Variants in TAF1C observed in about 807,000 individuals in gnomAD.
The protein encoded by TAF1C is TATA box-binding protein-associated factor RNA polymerase I subunit C.
In TAF1C, 79 loss-of-function variants were observed where a neutral mutation model predicts 70.5. That is an observed-to-expected ratio of 1.12 (90% CI 0.93 to 1.35). The LOEUF (loss-of-function observed/expected upper bound fraction) is 1.35, where lower values mean the gene tolerates loss of function less well. TAF1C is among the 40% of genes most tolerant of loss of function. TAF1C has a pLI of 0.00. For missense variants in TAF1C, 1,412 were observed against 1,127.8 expected (o/e 1.25, Z -3.61); for synonymous variants, 614 against 491.1 (o/e 1.25, Z -3.31).
rs2088850154 is a variant in TAF1C at position 84,178,176 on chromosome 16, G to C, written c.*765C>G. 7 of 382,388 alleles carry C rather than the reference G, an allele frequency of 1.8e-5. No individual in the cohort carries two copies. Among genetic ancestry groups the C allele is most frequent in the South Asian group, 1.4e-4 (7 of 49,270 alleles). The allele number at this position is 382,388 out of a possible 1,614,324, so 23.7% of individuals were successfully genotyped here. A position where few individuals can be genotyped will look rare whatever the true frequency, so the allele number is the denominator to read the frequency against. On this transcript the variant is annotated 3_prime_UTR_variant, in exon 15 of 15. Transcript: ENST00000566732. ...AAGGGGAGGGAGGAAAGAAAGGGGGGAGTCTGTGAGGCACAACAGAGAATT... is the reference window on the plus strand; with the variant it reads ...AAGGGGAGGGAGGAAAGAAAGGGGGCAGTCTGTGAGGCACAACAGAGAATT...
chr16:84,180,340 G>C lies in TAF1C; in HGVS notation c.1313C>G (p.Ser438Cys). 5 of 1,540,850 alleles carry C rather than the reference G, an allele frequency of 3.2e-6. No homozygotes were observed. Among genetic ancestry groups the C allele is most frequent in the South Asian group, 2.4e-5 (2 of 83,672 alleles). ...PTLHLVCTQFSLYLVDERLPL... is the reference protein window; with the variant it reads ...PTLHLVCTQFCLYLVDERLPL... ...AAGGCGCTCGTCCACTAGGTAGAGA[G>C]AGAACTGGGGCCCGAGAAGGAAGGG... Residue 438 changes from serine (S) to cysteine (C), a missense_variant, in exon 13 of 15, where the codon TCT (serine) becomes TGT (cysteine). Ser to Cys is a moderately radical substitution (Grantham distance 112). Coordinates refer to ENST00000566732, the MANE Select transcript of TAF1C (RefSeq NM_001243156.2).
rs762537026 is a variant in TAF1C, at chr16:84,181,363, C to A, written c.1129G>T (p.Gly377Cys). The change falls in exon 11 of 15, where the codon GGT becomes TGT. Residue 377 changes from glycine (G) to cysteine (C), a missense_variant. Physicochemically the swap from Gly to Cys is radical, Grantham distance 159. Transcript: ENST00000566732. The stretch of plus-strand genomic sequence containing the variant: ...AGCATCTTCACTCCGGTGCGGTCAC[C>A]CACGGTCAGCACCCGAGGGTGCGCA... ...FTAHPRVLTV[G>C]DRTGVKMLDT... 1.2e-6 allele frequency: 2 copies of A among 1,613,806 alleles called. No homozygotes were observed. The highest frequency in any genetic ancestry group is 3.3e-5 in the Admixed American group (2 of 60,014).
chr16:84,186,111 C>G (rs566677086), intron 1 of TAF1C, among the ~76,000 whole-genome samples: 20 of 152,366 alleles, frequency 1.3e-4, no homozygotes, highest in African/African-American at 4.8e-4. Flanking sequence ...GTTCAGGAAA[C>G]GAAGGCTCAG....
rs2088830045 is a variant in TAF1C at position 84,177,930 on chromosome 16, G to A, written c.*1011C>T. The A allele has an allele frequency of 7.3e-6, 8 of 1,092,036 alleles. No homozygotes were observed. Among genetic ancestry groups the A allele is most frequent in the Non-Finnish European group, 1.1e-5 (8 of 719,990 alleles). 67.6% of individuals were successfully genotyped at this position (1,092,036 alleles called of 1,614,324 possible). A position where few individuals can be genotyped will look rare whatever the true frequency, so the allele number is the denominator to read the frequency against. On this transcript the variant is annotated 3_prime_UTR_variant, in exon 15 of 15. Transcript: ENST00000566732. ...CATTTTAACACCCACGCGAGTCAGT[G>A]TATGATTGGGCTAGCTCCTGTTTGT...
chr16:84,184,465 C>T (rs2089375011), intron 2 of TAF1C, among the ~76,000 whole-genome samples: 1 of 152,214 alleles, frequency 6.6e-6, no homozygotes, highest in African/African-American at 2.4e-5. Flanking sequence ...TCTATCCTCC[C>T]CTCTCCCAAC....
In TAF1C at chr16:84,178,831, C is replaced by G; in HGVS notation, c.*110G>C. ...GCTTGGCTCATCATCACAGTGGCCT[C>G]CAGAAGGTGGCGAGCTCTGCTTCTC... is the stretch of plus-strand genomic sequence containing the variant. On this transcript the variant is annotated 3_prime_UTR_variant, in exon 15 of 15. Coordinates refer to ENST00000566732, the MANE Select transcript of TAF1C (RefSeq NM_001243156.2). 7.9e-7 allele frequency: 1 copy of G among 1,272,170 alleles called. No homozygotes were observed. Among genetic ancestry groups the G allele is most frequent in the Non-Finnish European group, 1.1e-6 (1 of 934,936 alleles). 78.8% of individuals were successfully genotyped at this position (1,272,170 alleles called of 1,614,324 possible).
chr16:84,178,836 A>G lies in TAF1C; in HGVS notation c.*105T>C. On this transcript the variant is annotated 3_prime_UTR_variant, in exon 15 of 15. Coordinates refer to ENST00000566732, the MANE Select transcript of TAF1C (RefSeq NM_001243156.2). ...GCTCATCATCACAGTGGCCTCCAGA[A>G]GGTGGCGAGCTCTGCTTCTCAAGTT... is the stretch of plus-strand genomic sequence containing the variant. The G allele has an allele frequency of 7.8e-7, 1 of 1,287,606 alleles. No homozygotes were observed. The highest frequency in any genetic ancestry group is 1.1e-6 in the Non-Finnish European group (1 of 946,840). 79.8% of individuals were successfully genotyped at this position (1,287,606 alleles called of 1,614,324 possible).
rs760910655 is a variant in TAF1C at position 84,182,387 on chromosome 16, C to A, written c.536G>T (p.Gly179Val). The change falls in exon 7 of 15, where the codon GGC (glycine) becomes GTC (valine). Residue 179 changes from glycine to valine, a missense_variant. Coordinates refer to ENST00000566732, the MANE Select transcript of TAF1C (RefSeq NM_001243156.2). This position sits in a 1 kb window ranked among gnomAD's most constrained non-coding sequence, Gnocchi z 5.0. Reference sequence around the variant, plus strand: ...CGCCACCGACGTGCCCAGGATGGGGCCCCCGAGGATAGAGAAGCGGCGCTG... The same window carrying A: ...CGCCACCGACGTGCCCAGGATGGGGACCCCGAGGATAGAGAAGCGGCGCTG... ...NRQRRFSILG[G>V]PILGTSVASH... 2.4e-5 allele frequency: 39 copies of A among 1,605,194 alleles called. No homozygotes were observed. The highest frequency in any genetic ancestry group is 3.1e-5 in the Non-Finnish European group (36 of 1,177,548).
In TAF1C at chr16:84,180,001, C is replaced by T. The variant is rs770172623; in HGVS notation, c.1566G>A (p.Leu522=). 5.6e-6 allele frequency: 9 copies of T among 1,612,052 alleles called. No individual in the cohort carries two copies. Among genetic ancestry groups the T allele is most frequent in the African/African-American group, 1.3e-5 (1 of 74,888 alleles). ...SRIDSLPAFP[L]LEPKIQWRLQ... is the part of the protein sequence containing the mutation. ...GCCGCCACTGGATCTTAGGCTCCAG[C>T]AGAGGAAATGCAGGGAGGGAGTCGA... Residue 522 remains leucine, a synonymous_variant, in exon 14 of 15, where the codon CTG becomes CTA. Transcript: ENST00000566732.
In TAF1C at chr16:84,182,979, T is replaced by TATGACGGAAAGC. The variant is rs1567596112; in HGVS notation, c.482+96_482+97insGCTTTCCGTCAT. On this transcript the variant is annotated intron_variant, in intron 6 of 14. Transcript: ENST00000566732. This position sits in a 1 kb window ranked among gnomAD's most constrained non-coding sequence, Gnocchi z 5.0. The stretch of plus-strand genomic sequence containing the variant: ...CAGACTGCATGGAGCAGGGGGGAAG[T>TATGACGGAAAGC]GGGTATGACGGAAAGCTGTACGTGC... 26 of 1,229,836 alleles carry TATGACGGAAAGC rather than the reference T, an allele frequency of 2.1e-5. No individual in the cohort carries two copies. The African/African-American group carries it at 3.4e-4, about 16-fold the overall frequency. 76.2% of individuals were successfully genotyped at this position (1,229,836 alleles called of 1,614,324 possible).
intron 1 of TAF1C, among the ~76,000 whole-genome samples, chr16:84,185,793 G>T (rs947770770): frequency 2.6e-5 from 4 of 152,122 alleles, no homozygotes; most frequent in Non-Finnish European, 5.9e-5. Context: ...CCAGCTACTC[G>T]GGAGGCTGAG....
Position 84,181,359 on chromosome 16 carries a change from T to C in TAF1C, c.1133A>G (p.Asp378Gly). Residue 378 changes from aspartate to glycine, a missense_variant, in exon 11 of 15, where the codon GAC (aspartate) becomes GGC (glycine). By Grantham distance (94) the Asp-to-Gly change is moderately conservative. Transcript: ENST00000566732. ...TAHPRVLTVG[D>G]RTGVKMLDTQ... ...GTCCAGCATCTTCACTCCGGTGCGG[T>C]CACCCACGGTCAGCACCCGAGGGTG... 1 of 1,613,648 alleles carries C rather than the reference T, an allele frequency of 6.2e-7. No individual in the cohort carries two copies. The highest frequency in any genetic ancestry group is 8.5e-7 in the Non-Finnish European group (1 of 1,179,942).
chr16:84,186,203 G>C (rs2089478446), intron 1 of TAF1C, among the ~76,000 whole-genome samples: 1 of 152,228 alleles, frequency 6.6e-6, no homozygotes, highest in African/African-American at 2.4e-5. Context: ...CTCCGAACCA[G>C]TGCTCTCGCA....
Position 84,183,706 on chromosome 16 carries a change from G to T in TAF1C, c.211C>A (p.Pro71Thr), listed in dbSNP as rs1252466088. ...GGAATGAGACCCTTACCGATGAGGG[G>T]AGGCAGCATGGGGAGAGGCCCAGGG... Reference protein sequence around the residue: ...ATPGPLPMLPPLIDPWDPGLT... With the variant: ...ATPGPLPMLPTLIDPWDPGLT... The change falls in exon 3 of 15, where the codon CCC becomes ACC. Residue 71 changes from proline to threonine, a missense_variant. Physicochemically the swap from Pro to Thr is conservative, Grantham distance 38. Coordinates refer to ENST00000566732, the MANE Select transcript of TAF1C (RefSeq NM_001243156.2). 2 of 1,612,122 alleles carry T rather than the reference G, an allele frequency of 1.2e-6. No individual in the cohort carries two copies.
At position 84,182,814 on chromosome 16, in the gene TAF1C, G is replaced by T. The variant is rs1300383378; in HGVS notation, c.482+262C>A. Among the ~76,000 whole-genome samples the T allele has an allele frequency of 6.6e-6, 1 of 152,188 alleles. No individual in the cohort carries two copies. Among genetic ancestry groups the T allele is most frequent in the Non-Finnish European group, 1.5e-5 (1 of 68,022 alleles). Reference sequence around the variant, plus strand: ...GGAACTGTGCAGGGAGAGGCAAGTGGACGAGACAGGAAAGAGAGACACAGC... The same window carrying T: ...GGAACTGTGCAGGGAGAGGCAAGTGTACGAGACAGGAAAGAGAGACACAGC... On this transcript the variant is annotated intron_variant, in intron 6 of 14. Transcript: ENST00000566732. This position sits in a 1 kb window ranked among gnomAD's most constrained non-coding sequence, Gnocchi z 5.0.
In TAF1C at chr16:84,181,035, C is replaced by G; in HGVS notation, c.1308+8G>C. The G allele has an allele frequency of 6.3e-7, 1 of 1,596,706 alleles. No homozygotes were observed. Among genetic ancestry groups the G allele is most frequent in the Non-Finnish European group, 8.6e-7 (1 of 1,166,232 alleles). On this transcript the variant is annotated splice_region_variant and intron_variant, in intron 12 of 14. Coordinates refer to ENST00000566732, the MANE Select transcript of TAF1C (RefSeq NM_001243156.2). ...AGGTGGGGCGGGGCGGTGTTGTGTG[C>G]CACTCACCTGGGTACAGACGAGATG...
chr16:84,178,986 G>C lies in TAF1C; in HGVS notation c.2487C>G (p.Leu829=), dbSNP rs751479835. Residue 829 remains leucine, a synonymous_variant, in exon 15 of 15, where the codon CTC becomes CTG. Coordinates refer to ENST00000566732, the MANE Select transcript of TAF1C (RefSeq NM_001243156.2). ...TCTTCCGGAGGGGCTGAGAGCTAGA[G>C]AGGACGGGTGTGTGCTGCTGGGAGC... The part of the protein sequence containing the change: ...ATRSQQHTPV[L]SSSQPLRKKP... 2 of 1,610,870 alleles carry C rather than the reference G, an allele frequency of 1.2e-6. No homozygotes were observed. The highest frequency in any genetic ancestry group is 3.3e-5 in the Admixed American group (2 of 59,996).
chr16:84,180,833 C>T, intron 12 of TAF1C: 1 of 1,396,876 alleles, frequency 7.2e-7, no homozygotes, highest in Admixed American at 3.0e-5. Context: ...CGAAGCTCTA[C>T]TAAGGGGAGG....
At position 84,179,197 on chromosome 16, in the gene TAF1C, G is replaced by A. The variant is rs371932013; in HGVS notation, c.2276C>T (p.Ala759Val). Reference sequence around the variant, plus strand: ...CGGGGTCGTGGGGGGCAGGGGCAGAGCATCAGCAGGTGGCCACTCAGGGCT... The same window carrying A: ...CGGGGTCGTGGGGGGCAGGGGCAGAACATCAGCAGGTGGCCACTCAGGGCT... ...PHSPEWPPAD[A>V]LPLPPTTPPS... The change falls in exon 15 of 15, where the codon GCT becomes GTT. Residue 759 changes from alanine to valine, a missense_variant. Transcript: ENST00000566732. 2.8e-5 allele frequency: 44 copies of A among 1,588,152 alleles called. No individual in the cohort carries two copies. Among genetic ancestry groups the A allele is most frequent in the Non-Finnish European group, 3.1e-5 (36 of 1,173,414 alleles).
Sources: gnomAD v4.1 joint callset for allele counts (sites outside exome capture counted in the v4.1 genomes callset) on GRCh38, gnomAD v4.1.1 for gene constraint, Gnocchi (gnomAD v3.1) non-coding constraint, MANE v1.5 for transcripts, NCBI Gene and HGNC (gene_info 2026-07-23, HGNC 2026-07-21) for gene names.